The following ADCY2 variants were observed in gnomAD, a reference collection of about 807,000 sequenced individuals.
ADCY2 encodes adenylate cyclase 2, also known as adenylate cyclase type 2.
ADCY2 carries 31 observed loss-of-function variants against 125.2 expected under a neutral mutation model. That is an observed-to-expected ratio of 0.25 (90% CI 0.19 to 0.33). The LOEUF is 0.33. Ranked by LOEUF, ADCY2 falls within the 10% of genes least tolerant of loss-of-function variation. The pLI is 1.00. For synonymous variants in ADCY2, 512 were observed against 548.4 expected (o/e 0.93, Z 0.93); for missense variants, 904 against 1,418.2 (o/e 0.64, Z 5.82).
intron 4 of ADCY2, among the ~76,000 whole-genome samples, chr5:7,673,254 A>AT: frequency 2.3e-5 from 1 of 43,080 alleles, no homozygotes. Context: ...AAAAAAAAAA[A>AT]AAAAAAAAAA....
At chr5:7,663,060 G>C (rs1739586970) in intron 4 of ADCY2, among the ~76,000 whole-genome samples, 1 of 152,196 alleles carries the variant, frequency 6.6e-6, no homozygotes, top group Admixed American at 6.5e-5. Context: ...AGATATTAGA[G>C]ACCTAACGGA....
At chr5:7,685,385 C>A (rs191557460) in intron 4 of ADCY2, 1 of 152,310 alleles carries the variant, frequency 6.6e-6, no homozygotes, top group Non-Finnish European at 1.5e-5. Context: ...TCCAGATGAC[C>A]AAGCTGGGCA....
At chr5:7,528,429 T>A (rs186808720) in intron 3 of ADCY2, among the ~76,000 whole-genome samples, 5 of 150,370 alleles carry the variant, frequency 3.3e-5, no homozygotes, top group African/African-American at 1.2e-4. Context: ...AATGGTAGAA[T>A]GAGACCTAGG....
At chr5:7,459,095 G>A (rs1165387733) in intron 2 of ADCY2, among the ~76,000 whole-genome samples, 1 of 152,158 alleles carries the variant, frequency 6.6e-6, no homozygotes, top group African/African-American at 2.4e-5. Context: ...GCTGTAGGTG[G>A]GTGCGGATCT....
intron 4 of ADCY2, among the ~76,000 whole-genome samples, chr5:7,666,839 T>C (rs1002651272): frequency 6.6e-6 from 1 of 152,154 alleles, no homozygotes; most frequent in African/African-American, 2.4e-5. Context: ...TCCCTAGCAG[T>C]TGGTCTTCCC....
chr5:7,517,110 C>G (rs141505083), intron 2 of ADCY2, among the ~76,000 whole-genome samples: 1 of 152,098 alleles, frequency 6.6e-6, no homozygotes, highest in South Asian at 2.1e-4. Context: ...GTAGAAGATA[C>G]GTAGGAAGAT....
intron 17 of ADCY2, among the ~76,000 whole-genome samples, chr5:7,767,658 C>T (rs1004375357): frequency 1.3e-5 from 2 of 152,102 alleles, no homozygotes; most frequent in African/African-American, 4.8e-5. Context: ...TGATTTGCTT[C>T]CTTGATATTT....
In ADCY2 at chr5:7,704,826, C is replaced by G. The variant is rs1461109137; in HGVS notation, c.1110-1918C>G. ...CCGGGCGGCGGAGCTTGCAGTGAGC[C>G]GAGATCACGCCACTGCACTCCAACC... On this transcript the variant is annotated intron_variant, in intron 7 of 24. Transcript: ENST00000338316. Among the ~76,000 whole-genome samples, 3 of 150,160 alleles carry G rather than the reference C, an allele frequency of 2.0e-5. No individual in the cohort carries two copies. The South Asian group carries it at 6.3e-4, about 32-fold the overall frequency.
intron 3 of ADCY2, among the ~76,000 whole-genome samples, chr5:7,543,463 A>T (rs4702477): frequency 0.19 from 29,545 of 152,060 alleles, 3,625 homozygotes; most frequent in East Asian, 0.41. Context: ...TAATATGTAA[A>T]TCCTAAATTT....
At chr5:7,805,796 T>C (rs1164346102) in intron 22 of ADCY2, among the ~76,000 whole-genome samples, 1 of 152,194 alleles carries the variant, frequency 6.6e-6, no homozygotes, top group East Asian at 1.9e-4. Flanking sequence ...CGCTTAACAT[T>C]CATGCATTCA....
At chr5:7,560,201 CT>C (rs1469420586) in intron 3 of ADCY2, among the ~76,000 whole-genome samples, 1 of 152,108 alleles carries the variant, frequency 6.6e-6, no homozygotes, top group Non-Finnish European at 1.5e-5. Context: ...GATAACAGCC[CT>C]GCATTTTGTT....
At chr5:7,507,653 T>G (rs1212108861) in intron 2 of ADCY2, among the ~76,000 whole-genome samples, 2 of 152,106 alleles carry the variant, frequency 1.3e-5, no homozygotes, top group Non-Finnish European at 2.9e-5. Flanking sequence ...TTCTTTGCAT[T>G]TGATGAGAAA....
chr5:7,582,095 A>G (rs985883332), intron 3 of ADCY2, among the ~76,000 whole-genome samples: 2 of 152,190 alleles, frequency 1.3e-5, no homozygotes, highest in Non-Finnish European at 2.9e-5. Flanking sequence ...TAAGTAGGCA[A>G]ACAGGCACTG....
At chr5:7,820,493 C>T in intron 23 of ADCY2, 72 bp from the exon 24 acceptor site, 1 of 1,555,872 alleles carries the variant, frequency 6.4e-7, no homozygotes, top group South Asian at 1.1e-5. Flanking sequence ...GACCCCATCT[C>T]AAAAAATAAA....
chr5:7,771,391 T>C (rs1743553960), intron 17 of ADCY2, among the ~76,000 whole-genome samples: 1 of 152,222 alleles, frequency 6.6e-6, no homozygotes, highest in African/African-American at 2.4e-5. Flanking sequence ...CAACACTCTG[T>C]ATTCCTTAAA....
chr5:7,396,535 C>T lies in ADCY2; in HGVS notation c.210+29C>T, dbSNP rs1442554036. 5.2e-6 allele frequency: 8 copies of T among 1,538,388 alleles called. No individual in the cohort carries two copies. The highest frequency in any genetic ancestry group is 1.9e-5 in the Admixed American group (1 of 53,120). On this transcript the variant is annotated intron_variant, in intron 1 of 24. Coordinates refer to ENST00000338316, the MANE Select transcript of ADCY2 (RefSeq NM_020546.3). The surrounding 1 kb of genome is among the most constrained non-coding windows in gnomAD (Gnocchi z 5.7). ...AGTGGCCTCCCCGCGGGTCCAGCGC[C>T]GCGCCTTCCCCGGCCCTGAGAGGAG...
chr5:7,817,848 A>G (rs1579474057), intron 23 of ADCY2, among the ~76,000 whole-genome samples: 1 of 144,926 alleles, frequency 6.9e-6, no homozygotes, highest in African/African-American at 2.6e-5. Context: ...AAAAAAAAAA[A>G]AAAAAGTAAC....
intron 24 of ADCY2, among the ~76,000 whole-genome samples, chr5:7,824,377 G>C (rs948798825): frequency 2.0e-5 from 3 of 152,260 alleles, no homozygotes; most frequent in Admixed American, 1.3e-4. Flanking sequence ...ATTGGCGGGT[G>C]GTTCGGCATT....
At chr5:7,606,386 G>T (rs1237349480) in intron 3 of ADCY2, among the ~76,000 whole-genome samples, 3 of 152,190 alleles carry the variant, frequency 2.0e-5, no homozygotes, top group African/African-American at 7.2e-5. Flanking sequence ...GTCCAATGGT[G>T]ATGTGGAGGT....
Sources: allele counts gnomAD v4.1 joint callset (sites outside exome capture counted in the v4.1 genomes callset), GRCh38; gene constraint gnomAD v4.1.1; non-coding constraint Gnocchi (gnomAD v3.1); transcripts MANE v1.5; gene names NCBI Gene and HGNC (gene_info 2026-07-23, HGNC 2026-07-21).